The following SNTG2 variants were observed in gnomAD, a reference collection of about 807,000 sequenced individuals.
SNTG2 encodes gamma-2-syntrophin.
SNTG2 carries 74 observed loss-of-function variants against 70.9 expected under a neutral mutation model. The observed-to-expected ratio is 1.04, with a 90% CI of 0.86 to 1.27. The LOEUF (loss-of-function observed/expected upper bound fraction) is 1.27. Ranked by LOEUF, SNTG2 falls within the 50% of genes most tolerant of loss-of-function variation. SNTG2 has a pLI of 0.00. For missense variants in SNTG2, 717 were observed against 690.7 expected, an observed-to-expected ratio of 1.04 and a Z score of -0.43; for synonymous variants, 278 against 273.8, an observed-to-expected ratio of 1.02 and a Z score of -0.15.
chr2:953,556 G>T (rs1044560936), intron 1 of SNTG2, among the ~76,000 whole-genome samples: 2 of 152,174 alleles, frequency 1.3e-5, no homozygotes, highest in Non-Finnish European at 2.9e-5. Flanking sequence ...TCCTAAGAAG[G>T]TTCCCCATTC....
chr2:1,097,168 G>T lies in SNTG2; in HGVS notation c.211-1028G>T, dbSNP rs762264027. On this transcript the variant is annotated intron_variant, in intron 2 of 16. Coordinates refer to ENST00000308624, the MANE Select transcript of SNTG2 (RefSeq NM_018968.4). The surrounding 1 kb of genome is among the most constrained non-coding windows in gnomAD (Gnocchi z 4.1). ...GGTTTCTTTCCTTTGAGTTTATGAA[G>T]TATTTCCCCCTAAGAAGGACATTCC... Among the ~76,000 whole-genome samples the T allele has an allele frequency of 1.3e-5, 2 of 152,150 alleles. No homozygotes were observed. The highest frequency in any genetic ancestry group is 2.9e-5 in the Non-Finnish European group (2 of 68,032).
At chr2:1,259,294 C>A in intron 12 of SNTG2, 76 bp from the exon 13 acceptor site, 3 of 1,293,542 alleles carry the variant, frequency 2.3e-6, no homozygotes, top group Non-Finnish European at 2.2e-6. Context: ...CATGCAGTCA[C>A]ACTATTGTAA....
intron 9 of SNTG2, among the ~76,000 whole-genome samples, chr2:1,223,859 G>GACCTTA (rs1251742539): frequency 6.7e-6 from 1 of 148,814 alleles, no homozygotes; most frequent in Non-Finnish European, 1.5e-5. Flanking sequence ...ACAGATGGGT[G>GACCTTA]GCCTTACGCA....
intron 1 of SNTG2, among the ~76,000 whole-genome samples, chr2:979,033 G>A (rs186269646): frequency 1.3e-5 from 2 of 152,168 alleles, no homozygotes; most frequent in Non-Finnish European, 2.9e-5. Flanking sequence ...CTTCTTAATC[G>A]CAATCTCCTA....
chr2:1,083,183 A>AATAT (rs1553321853), intron 1 of SNTG2, among the ~76,000 whole-genome samples: 1 of 142,216 alleles, frequency 7.0e-6, no homozygotes, highest in African/African-American at 2.5e-5. Context: ...AAACTAAAAA[A>AATAT]ATATATATAT....
At chr2:1,140,670 A>G (rs28433605) in intron 6 of SNTG2, among the ~76,000 whole-genome samples, 150,450 of 152,368 alleles carry the variant, frequency 0.99, 74,304 homozygotes, top group East Asian at 1. Flanking sequence ...TCACCCCAGG[A>G]TATCTCAGCG....
At chr2:1,171,068 T>C (rs28521806) in intron 7 of SNTG2, among the ~76,000 whole-genome samples, 37,898 of 151,922 alleles carry the variant, frequency 0.25, 5,234 homozygotes, top group East Asian at 0.44. Context: ...ACATGTTTTC[T>C]AATATGATTG....
chr2:1,352,468 T>C (rs2148307974), intron 16 of SNTG2, among the ~76,000 whole-genome samples: 1 of 152,298 alleles, frequency 6.6e-6, no homozygotes, highest in South Asian at 2.1e-4. Context: ...TCCTAGCAGC[T>C]GGGCCCCGTG....
At position 1,141,887 on chromosome 2, in the gene SNTG2, C is replaced by T. The variant is rs533380642; in HGVS notation, c.411+4078C>T. ...TGTCCCCCGACCCACATTAGTCCCA[C>T]ATTGTGACAGGGGCCATGGCAGGCA... is the stretch of plus-strand genomic sequence containing the variant. On this transcript the variant is annotated intron_variant, in intron 6 of 16. Transcript: ENST00000308624. 9.2e-5 allele frequency among the ~76,000 whole-genome samples: 14 copies of T among 152,316 alleles called. No homozygotes were observed. In the East Asian group the frequency reaches 1.5e-3, roughly 17 times the overall value.
chr2:1,151,797 G>A (rs1669515812), intron 6 of SNTG2, among the ~76,000 whole-genome samples: 1 of 152,132 alleles, frequency 6.6e-6, no homozygotes, highest in Non-Finnish European at 1.5e-5. Flanking sequence ...CAGGGCACCT[G>A]CTCACATGAT....
chr2:956,156 C>CAT (rs1660141635), intron 1 of SNTG2, among the ~76,000 whole-genome samples: 1 of 68,890 alleles, frequency 1.5e-5, no homozygotes, highest in Non-Finnish European at 2.8e-5. Flanking sequence ...CCGCCCCTGC[C>CAT]CCTGCCCTGC....
intron 14 of SNTG2, among the ~76,000 whole-genome samples, chr2:1,284,268 G>A (rs1679678723): frequency 6.6e-6 from 1 of 152,184 alleles, no homozygotes; most frequent in South Asian, 2.1e-4. Flanking sequence ...GAAGAGCATG[G>A]CCAAATTAGC....
chr2:1,321,930 C>CCT (rs1558206811), intron 16 of SNTG2, among the ~76,000 whole-genome samples: 10 of 150,768 alleles, frequency 6.6e-5, no homozygotes, highest in Non-Finnish European at 1.5e-5. Flanking sequence ...CCTTCCTTCT[C>CCT]TCCTTCCTTC....
chr2:1,080,618 ATG>A (rs1050542060), intron 1 of SNTG2, among the ~76,000 whole-genome samples: 2 of 127,284 alleles, frequency 1.6e-5, no homozygotes, highest in Non-Finnish European at 3.3e-5. Flanking sequence ...TGTGTGTTGC[ATG>A]TGTGTGTGTG....
intron 14 of SNTG2, among the ~76,000 whole-genome samples, chr2:1,284,267 G>A (rs1410383880): frequency 6.6e-6 from 1 of 152,168 alleles, no homozygotes; most frequent in Non-Finnish European, 1.5e-5. Flanking sequence ...GGAAGAGCAT[G>A]GCCAAATTAG....
intron 6 of SNTG2, among the ~76,000 whole-genome samples, chr2:1,138,195 C>G (rs752712212): frequency 6.6e-6 from 1 of 152,224 alleles, no homozygotes; most frequent in Admixed American, 6.5e-5. Flanking sequence ...GGCGCTGGAG[C>G]CTGCAGGGCC....
chr2:1,101,684 A>G (rs960690188), intron 4 of SNTG2, among the ~76,000 whole-genome samples: 5 of 152,208 alleles, frequency 3.3e-5, no homozygotes, highest in African/African-American at 9.6e-5. Flanking sequence ...CAGCGCTGCC[A>G]GATAGGGCGG....
chr2:1,173,284 A>T, intron 8 of SNTG2, 101 bp downstream of exon 8: 1 of 1,088,860 alleles, frequency 9.2e-7, no homozygotes, highest in Non-Finnish European at 1.4e-6. Context: ...CTGCCCAGTG[A>T]AGATAATTGT....
chr2:1,177,900 C>G (rs4401241), intron 8 of SNTG2, among the ~76,000 whole-genome samples: 47,633 of 151,724 alleles, frequency 0.31, 7,996 homozygotes, highest in East Asian at 0.65. Flanking sequence ...GTGATTGCAT[C>G]TGTTGTTAAA....
Sources: gnomAD v4.1 joint callset for allele counts (sites outside exome capture counted in the v4.1 genomes callset) on GRCh38, gnomAD v4.1.1 for gene constraint, Gnocchi (gnomAD v3.1) non-coding constraint, MANE v1.5 for transcripts, NCBI Gene and HGNC (gene_info 2026-07-23, HGNC 2026-07-21) for gene names.